ARPP21: variants seen among roughly 807,000 people sequenced by gnomAD.
ARPP21 encodes the protein cAMP-regulated phosphoprotein 21.
Under a neutral mutation model 113.2 loss-of-function variants are expected in ARPP21, and 69 were observed. The observed-to-expected ratio is 0.61, with a 90% CI of 0.50 to 0.74. The LOEUF (loss-of-function observed/expected upper bound fraction) is 0.74, where lower values mean the gene tolerates loss of function less well. Among genes scored for constraint, ARPP21 ranks in the 30% least tolerant of loss-of-function variants. The pLI, the probability that ARPP21 is intolerant of heterozygous loss-of-function variation, is 0.00. For missense variants in ARPP21, 1,070 were observed against 1,037.4 expected (o/e 1.03, Z -0.43); for synonymous variants, 368 against 375.5 (o/e 0.98, Z 0.23).
intron 9 of ARPP21, among the ~76,000 whole-genome samples, chr3:35,693,226 C>T (rs775073884): frequency 2.0e-4 from 30 of 151,594 alleles, no homozygotes; most frequent in Non-Finnish European, 1.5e-4. Flanking sequence ...GACACCCTTT[C>T]GTGAGTCAAA....
chr3:35,684,321 A>G, intron 5 of ARPP21: 1 of 1,076,388 alleles, frequency 9.3e-7, no homozygotes, highest in Non-Finnish European at 1.1e-6. Flanking sequence ...ATTTCTCAAT[A>G]CTGCAAAAGT....
chr3:35,711,721 G>A (rs1477765791), intron 11 of ARPP21, among the ~76,000 whole-genome samples: 1 of 152,118 alleles, frequency 6.6e-6, no homozygotes, highest in African/African-American at 2.4e-5. Context: ...ATTATTGGAA[G>A]GCCTCAATTC....
intron 13 of ARPP21, among the ~76,000 whole-genome samples, chr3:35,717,923 T>C (rs1234352432): frequency 6.6e-6 from 1 of 152,126 alleles, no homozygotes; most frequent in Admixed American, 6.5e-5. Context: ...AGAAGCTCTA[T>C]GAAAGCAGAG....
intron 19 of ARPP21, among the ~76,000 whole-genome samples, chr3:35,756,973 T>C (rs1190366512): frequency 6.6e-6 from 1 of 152,088 alleles, no homozygotes; most frequent in Non-Finnish European, 1.5e-5. Flanking sequence ...TAAACAAATA[T>C]CACTTTCATT....
At chr3:35,787,870 A>T (rs2151857038) in intron 19 of ARPP21, among the ~76,000 whole-genome samples, 1 of 152,298 alleles carries the variant, frequency 6.6e-6, no homozygotes, top group East Asian at 1.9e-4. Context: ...AAAGTCAGAA[A>T]ACCACAATTT....
At position 35,716,182 on chromosome 3, in the gene ARPP21, G is replaced by A. The variant is rs149532628; in HGVS notation, c.935+706G>A. Among the ~76,000 whole-genome samples, 1,352 of 151,968 alleles carry A rather than the reference G, an allele frequency of 8.9e-3. 13 individuals are homozygous for A. The highest frequency in any genetic ancestry group is 0.027 in the African/African-American group (1,139 of 41,460). ...TAAAATGCCCCATTGATTTAATTGC[G>A]GATACTCAGGGCAAATTAAGGAATC... On this transcript the variant is annotated intron_variant, in intron 12 of 20. Transcript: ENST00000684406.
At chr3:35,663,719 G>T (rs188948334) in intron 1 of ARPP21, among the ~76,000 whole-genome samples, 1 of 152,210 alleles carries the variant, frequency 6.6e-6, no homozygotes, top group African/African-American at 2.4e-5. Flanking sequence ...GTTCTGGGAA[G>T]TGGCACGCTC....
intron 7 of ARPP21, 51 bp downstream of exon 7, chr3:35,689,436 ACAAT>A: frequency 1.1e-6 from 1 of 921,306 alleles, no homozygotes; most frequent in Non-Finnish European, 1.8e-6. Context: ...ATAGAATATT[ACAAT>A]CAAAGTTATT....
chr3:35,726,382 A>G (rs2093539632), intron 14 of ARPP21, among the ~76,000 whole-genome samples: 2 of 152,222 alleles, frequency 1.3e-5, no homozygotes. Context: ...TGATGTTTAC[A>G]TGCTGGTCAA....
intron 12 of ARPP21, 194 bp downstream of exon 12, chr3:35,715,670 T>C (rs1213094462): frequency 1.0e-5 from 4 of 401,620 alleles, no homozygotes; most frequent in African/African-American, 2.1e-5. Context: ...AAAAATTTTC[T>C]TTCAGTTAAT....
intron 19 of ARPP21, among the ~76,000 whole-genome samples, chr3:35,790,564 A>T (rs1049723889): frequency 1.3e-5 from 2 of 152,204 alleles, no homozygotes; most frequent in Non-Finnish European, 2.9e-5. Context: ...GAGAACAGAG[A>T]AGTAGAAGTA....
intron 9 of ARPP21, among the ~76,000 whole-genome samples, chr3:35,700,159 T>C (rs887982365): frequency 7.7e-4 from 117 of 151,908 alleles, no homozygotes; most frequent in African/African-American, 2.7e-3. Flanking sequence ...CCAAGCAAGT[T>C]AAGTATTTTA....
At chr3:35,715,815 T>A (rs927796976) in intron 12 of ARPP21, 18 of 182,436 alleles carry the variant, frequency 9.9e-5, no homozygotes. Context: ...GCAGTTTCAT[T>A]GGCTTATTTA....
intron 19 of ARPP21, among the ~76,000 whole-genome samples, chr3:35,771,673 T>C (rs1377830585): frequency 2.6e-5 from 4 of 152,164 alleles, no homozygotes; most frequent in Non-Finnish European, 5.9e-5. Context: ...TCAACAATAA[T>C]ACAATACATT....
chr3:35,645,862 C>T (rs1290012619), intron 1 of ARPP21, among the ~76,000 whole-genome samples: 1 of 151,538 alleles, frequency 6.6e-6, no homozygotes, highest in Admixed American at 6.6e-5. Flanking sequence ...TTGGATCATA[C>T]ACTAAAAAAA....
intron 19 of ARPP21, among the ~76,000 whole-genome samples, chr3:35,759,688 G>GTA (rs1240956076): frequency 6.6e-6 from 1 of 151,018 alleles, no homozygotes; most frequent in Non-Finnish European, 1.5e-5. Context: ...GTGTGTGTGT[G>GTA]TGTGTGTGTG....
intron 19 of ARPP21, among the ~76,000 whole-genome samples, chr3:35,748,475 G>GGAGA (rs1224809623): frequency 6.9e-6 from 1 of 144,568 alleles, no homozygotes; most frequent in Non-Finnish European, 1.5e-5. Flanking sequence ...AGAGAGAGAG[G>GGAGA]GAGAGAGGGA....
chr3:35,773,357 G>C (rs1428693820), intron 19 of ARPP21, among the ~76,000 whole-genome samples: 1 of 152,144 alleles, frequency 6.6e-6, no homozygotes, highest in Non-Finnish European at 1.5e-5. Flanking sequence ...GATGGAAGTA[G>C]AAATTTGGCA....
intron 19 of ARPP21, among the ~76,000 whole-genome samples, chr3:35,784,302 C>T (rs2096586056): frequency 6.6e-6 from 1 of 152,182 alleles, no homozygotes; most frequent in Admixed American, 6.5e-5. Flanking sequence ...CTCACAAGAG[C>T]CAAATGTTTA....
Sources: allele counts gnomAD v4.1 joint callset (sites outside exome capture counted in the v4.1 genomes callset), GRCh38; gene constraint gnomAD v4.1.1; transcripts MANE v1.5; gene names NCBI Gene and HGNC (gene_info 2026-07-23, HGNC 2026-07-21).